NUP153: variants seen among roughly 807,000 people sequenced by gnomAD.
The protein encoded by NUP153 is nucleoporin 153.
A neutral mutation model predicts 134.6 loss-of-function variants in NUP153; 27 were observed. The ratio of observed to expected loss-of-function variants is 0.20; its 90% CI spans 0.15 to 0.28. The LOEUF (loss-of-function observed/expected upper bound fraction) is 0.28. NUP153 is among the 10% of genes least tolerant of loss of function. The pLI, the probability that NUP153 is intolerant of heterozygous loss-of-function variation, is 1.00. For synonymous variants in NUP153, 640 were observed against 623.5 expected (o/e 1.03, Z -0.40); for missense variants, 1,821 against 1,731.3 (o/e 1.05, Z -0.92).
At chr6:17,636,079 A>C (rs1343785517) in intron 16 of NUP153, among the ~76,000 whole-genome samples, 1 of 152,162 alleles carries the variant, frequency 6.6e-6, no homozygotes. Flanking sequence ...CACGCCTGTA[A>C]TCCCAGCACT....
In NUP153 at chr6:17,662,193, T is replaced by C. The variant is rs73369312; in HGVS notation, c.1216-123A>G. On this transcript the variant is annotated intron_variant, in intron 9 of 21. Transcript: ENST00000262077. ...ATTTGATGGCTTTTTAGTTAATGAA[T>C]CCTGAAATTTGAAATTACACCCTGC... The C allele has an allele frequency of 2.4e-3, 2,075 of 857,122 alleles. 33 individuals carry two copies. The African/African-American group carries it at 0.032, about 13-fold the overall frequency. 53.1% of individuals were successfully genotyped at this position (857,122 alleles called of 1,614,324 possible).
chr6:17,631,209 G>A (rs1393245938), intron 17 of NUP153, among the ~76,000 whole-genome samples: 1 of 151,436 alleles, frequency 6.6e-6, no homozygotes, highest in Non-Finnish European at 1.5e-5. Context: ...CCAGAGGCAA[G>A]TATTATTTTG....
rs1770512618 is a variant in NUP153, at chr6:17,706,489, A to G, written c.-102T>C. 2 of 834,658 alleles carry G rather than the reference A, an allele frequency of 2.4e-6. No individual in the cohort carries two copies. The highest frequency in any genetic ancestry group is 1.8e-6 in the Non-Finnish European group (1 of 541,890). The allele number at this position is 834,658 out of a possible 1,614,324, so 51.7% of individuals were successfully genotyped here. A position where few individuals can be genotyped will look rare whatever the true frequency, so the allele number is the denominator to read the frequency against. On this transcript the variant is annotated 5_prime_UTR_variant, in exon 1 of 22. Transcript: ENST00000262077. This position sits in a 1 kb window ranked among gnomAD's most constrained non-coding sequence, Gnocchi z 5.9. ...TCCCCCGCCGCCCGGCCCCGGCCCA[A>G]AAGTCCGCCCGCGCTGTCCACACAG...
chr6:17,697,345 A>T (rs1371059023), intron 1 of NUP153, among the ~76,000 whole-genome samples: 1 of 152,236 alleles, frequency 6.6e-6, no homozygotes, highest in Non-Finnish European at 1.5e-5. Flanking sequence ...TCAACGTATA[A>T]GGTATTGTGA....
At chr6:17,697,322 A>G (rs1014121517) in intron 1 of NUP153, among the ~76,000 whole-genome samples, 1 of 152,214 alleles carries the variant, frequency 6.6e-6, no homozygotes, top group South Asian at 2.1e-4. Context: ...TACTACATAC[A>G]TATCAGGAAC....
At chr6:17,657,077 T>G (rs990296832) in intron 11 of NUP153, among the ~76,000 whole-genome samples, 1 of 152,202 alleles carries the variant, frequency 6.6e-6, no homozygotes, top group Non-Finnish European at 1.5e-5. Context: ...GGCTTCACCT[T>G]CAGCTTCAGT....
chr6:17,637,532 A>G lies in NUP153; in HGVS notation c.2085T>C (p.Thr695=), dbSNP rs1202366920. Residue 695 remains threonine (T), a synonymous_variant, in exon 16 of 22, where the codon ACT becomes ACC. Transcript: ENST00000262077. ...CACTTTTATTTGGTGTTTCAATTCC[A>G]GTCTGTTTAGCAGTATCTCTGGGTG... The part of the protein sequence containing the change: ...KLSPRDTAKQ[T]GIETPNKSGK... The G allele has an allele frequency of 6.2e-7, 1 of 1,614,216 alleles. No homozygotes were observed. The highest frequency in any genetic ancestry group is 8.5e-7 in the Non-Finnish European group (1 of 1,180,032).
rs1770532984 is a variant in NUP153 at position 17,706,805 on chromosome 6, A to C, written c.-418T>G. 3 of 173,964 alleles carry C rather than the reference A, an allele frequency of 1.7e-5. No homozygotes were observed. Among genetic ancestry groups the C allele is most frequent in the South Asian group, 1.1e-4 (1 of 9,252 alleles). The allele number at this position is 173,964 out of a possible 1,614,324, so 10.8% of individuals were successfully genotyped here. A position where few individuals can be genotyped will look rare whatever the true frequency, so the allele number is the denominator to read the frequency against. On this transcript the variant is annotated 5_prime_UTR_variant, in exon 1 of 22. Coordinates refer to ENST00000262077, the MANE Select transcript of NUP153 (RefSeq NM_005124.4). This position sits in a 1 kb window ranked among gnomAD's most constrained non-coding sequence, Gnocchi z 5.9. ...TTGAAGCCGCTGGCGACGCCCGCCT[A>C]CCCCTCCCCTGTGCGCACAGCGCCC...
In NUP153 at chr6:17,616,531, C is replaced by T; in HGVS notation, c.4339G>A (p.Val1447Met). Residue 1447 changes from valine (V) to methionine (M), a missense_variant, in exon 21 of 22, where the codon GTG (valine) becomes ATG (methionine). Transcript: ENST00000262077. The part of the protein sequence containing the change: ...PFNQSPAAFT[V>M]GSNGKNVFSS... ...TTCAATAAAAAATTCTCTTACCCCA[C>T]TGTAAATGCTGCTGGAGACTGGTTA... 6.2e-7 allele frequency: 1 copy of T among 1,605,402 alleles called. No homozygotes were observed. Among genetic ancestry groups the T allele is most frequent in the Non-Finnish European group, 8.5e-7 (1 of 1,176,418 alleles).
intron 17 of NUP153, among the ~76,000 whole-genome samples, chr6:17,630,334 G>A (rs575307952): frequency 1.3e-5 from 2 of 152,276 alleles, no homozygotes; most frequent in South Asian, 4.1e-4. Flanking sequence ...CAGAAAAACA[G>A]AAGAATTACA....
chr6:17,649,210 T>C lies in NUP153; in HGVS notation c.1486A>G (p.Thr496Ala), dbSNP rs772458960. Residue 496 changes from threonine (T) to alanine (A), a missense_variant, in exon 12 of 22, where the codon ACT (threonine) becomes GCT (alanine). Thr to Ala is a moderately conservative substitution (Grantham distance 58). Coordinates refer to ENST00000262077, the MANE Select transcript of NUP153 (RefSeq NM_005124.4). ...GAATTGATGGGTGATGGAGAGGAAG[T>C]TGTGATCTCAGGGGAACTAAAATTA... ...TFNFSSPEIT[T>A]SSPSPINSSQ... 2.5e-6 allele frequency: 4 copies of C among 1,613,954 alleles called. No individual in the cohort carries two copies. Among genetic ancestry groups the C allele is most frequent in the Admixed American group, 1.7e-5 (1 of 59,988 alleles).
chr6:17,616,283 G>GGC, intron 21 of NUP153, 102 bp from the exon 22 acceptor site: 2 of 430,172 alleles, frequency 4.6e-6, no homozygotes, highest in Non-Finnish European at 7.9e-6. Flanking sequence ...GGGGTCGGGT[G>GGC]GGGGGGGAGT....
intron 14 of NUP153, among the ~76,000 whole-genome samples, chr6:17,641,526 TC>T (rs1340677669): frequency 6.6e-6 from 1 of 151,498 alleles, no homozygotes; most frequent in Non-Finnish European, 1.5e-5. Context: ...AGAGCGAGAC[TC>T]CGTCTCAAAA....
chr6:17,625,357 C>T lies in NUP153; in HGVS notation c.3901+451G>A, dbSNP rs897533045. The stretch of plus-strand genomic sequence containing the variant: ...CGAGCCTGGCCAACATGGTAAAACC[C>T]CATCTCTACTAAAAATACAAAAATT... On this transcript the variant is annotated intron_variant, in intron 19 of 21. Transcript: ENST00000262077. This position sits in a 1 kb window ranked among gnomAD's most constrained non-coding sequence, Gnocchi z 4.7. Among the ~76,000 whole-genome samples the T allele has an allele frequency of 3.3e-5, 5 of 152,004 alleles. No individual in the cohort carries two copies. Among genetic ancestry groups the T allele is most frequent in the African/African-American group, 1.2e-4 (5 of 41,368 alleles).
chr6:17,632,238 T>C (rs977910564), intron 17 of NUP153, among the ~76,000 whole-genome samples: 9 of 151,984 alleles, frequency 5.9e-5, no homozygotes, highest in African/African-American at 1.9e-4. Context: ...GAGGCGGAGA[T>C]TGCAGTGAGC....
intron 5 of NUP153, among the ~76,000 whole-genome samples, chr6:17,670,485 T>G (rs1322538853): frequency 6.6e-6 from 1 of 152,170 alleles, no homozygotes; most frequent in Admixed American, 6.6e-5. Context: ...CTGTGTACAG[T>G]AAAAATATTA....
At chr6:17,647,724 C>T in intron 13 of NUP153, 83 bp downstream of exon 13, 4 of 885,984 alleles carry the variant, frequency 4.5e-6, no homozygotes, top group African/African-American at 1.7e-5. Context: ...TGTTTCTCAC[C>T]ACCAGTGGCA....
At chr6:17,703,612 C>G (rs1770264524) in intron 1 of NUP153, among the ~76,000 whole-genome samples, 1 of 150,760 alleles carries the variant, frequency 6.6e-6, no homozygotes, top group Non-Finnish European at 1.5e-5. Context: ...CTATGTCCAC[C>G]AAAGCCTCAA....
In NUP153 at chr6:17,615,523, A is replaced by T. The variant is rs936400278; in HGVS notation, c.*574T>A. On this transcript the variant is annotated 3_prime_UTR_variant, in exon 22 of 22. Coordinates refer to ENST00000262077, the MANE Select transcript of NUP153 (RefSeq NM_005124.4). The surrounding 1 kb of genome is among the most constrained non-coding windows in gnomAD (Gnocchi z 5.7). ...AATAGCATATAATTATTAAATGGAG[A>T]GTGAACTAGATCTAACAAGTCCTTA... 5.9e-5 allele frequency: 9 copies of T among 152,668 alleles called. No homozygotes were observed. Among genetic ancestry groups the T allele is most frequent in the African/African-American group, 2.2e-4 (9 of 41,460 alleles). 9.5% of individuals were successfully genotyped at this position (152,668 alleles called of 1,614,324 possible). A position where few individuals can be genotyped will look rare whatever the true frequency, so the allele number is the denominator to read the frequency against.
Sources: allele counts gnomAD v4.1 joint callset (sites outside exome capture counted in the v4.1 genomes callset), GRCh38; gene constraint gnomAD v4.1.1; non-coding constraint Gnocchi (gnomAD v3.1); transcripts MANE v1.5; gene names NCBI Gene and HGNC (gene_info 2026-07-23, HGNC 2026-07-21).